The following OTOG variants were observed in gnomAD, a reference collection of about 807,000 sequenced individuals.
OTOG encodes otogelin.
In OTOG, 296 loss-of-function variants were observed where a neutral mutation model predicts 313.8. The observed-to-expected ratio is 0.94, with a 90% CI of 0.86 to 1.04. The LOEUF (loss-of-function observed/expected upper bound fraction) is 1.04, where lower values mean the gene tolerates loss of function less well. Among genes scored for constraint, OTOG ranks in the 50% least tolerant of loss-of-function variants. The pLI is 0.00. For synonymous variants in OTOG, 1,533 were observed against 1,554.9 expected (o/e 0.99, Z 0.33); for missense variants, 3,948 against 3,840.1 (o/e 1.03, Z -0.74).
chr11:17,635,917 A>AG (rs1242805955), intron 47 of OTOG, among the ~76,000 whole-genome samples: 1 of 152,196 alleles, frequency 6.6e-6, no homozygotes, highest in African/African-American at 2.4e-5. Flanking sequence ...TGGGAGGTCC[A>AG]GGCCTGTCCC....
At chr11:17,635,265 C>A in intron 46 of OTOG, 78 bp downstream of exon 46, 2 of 1,217,818 alleles carry the variant, frequency 1.6e-6, no homozygotes, top group Non-Finnish European at 2.3e-6. Context: ...CCTTGGGCAG[C>A]TGGGAGGAAA....
At chr11:17,587,941 T>A (rs1852840227) in intron 24 of OTOG, among the ~76,000 whole-genome samples, 1 of 152,194 alleles carries the variant, frequency 6.6e-6, no homozygotes, top group Non-Finnish European at 1.5e-5. Flanking sequence ...CTCCAGCCCC[T>A]GTAGCAGCAC....
chr11:17,605,351 G>A (rs1009554699), intron 32 of OTOG, among the ~76,000 whole-genome samples: 2 of 152,178 alleles, frequency 1.3e-5, no homozygotes, highest in African/African-American at 4.8e-5. Flanking sequence ...ATGAAGGGTT[G>A]CCAATGCTGG....
chr11:17,572,851 C>T (rs113284952), intron 18 of OTOG, among the ~76,000 whole-genome samples: 66 of 152,308 alleles, frequency 4.3e-4, no homozygotes, highest in African/African-American at 1.3e-3. Flanking sequence ...CTCCTTTGAC[C>T]AGAATGTAAG....
At chr11:17,560,973 A>G (rs1053282868) in intron 13 of OTOG, 118 bp from the exon 14 acceptor site, 31 of 1,283,564 alleles carry the variant, frequency 2.4e-5, no homozygotes, top group Middle Eastern at 1.8e-4. Context: ...CCATGGGGGA[A>G]ATCTCTACCA....
In OTOG at chr11:17,558,256, C is replaced by T. The variant is rs777809121; in HGVS notation, c.937C>T (p.Pro313Ser). The T allele has an allele frequency of 6.4e-7, 1 of 1,550,684 alleles. No homozygotes were observed. Among genetic ancestry groups the T allele is most frequent in the Non-Finnish European group, 8.7e-7 (1 of 1,147,012 alleles). Residue 313 changes from proline to serine, a missense_variant, in exon 9 of 56, where the codon CCC (proline) becomes TCC (serine). By Grantham distance (74) the Pro-to-Ser change is moderately conservative (BLOSUM62 -1). Coordinates refer to ENST00000399397, the MANE Select transcript of OTOG (RefSeq NM_001292063.2). Reference protein sequence around the residue: ...QEQAPNQPPGPTTSSLPRPPC... With the variant: ...QEQAPNQPPGSTTSSLPRPPC... ...GCAGGCCCCTAACCAGCCTCCAGGG[C>T]CCACAACTTCCTCCCTGCCTCGCCC... is the stretch of plus-strand genomic sequence containing the variant.
At position 17,612,259 on chromosome 11, in the gene OTOG, C is replaced by G. The variant is rs778201336; in HGVS notation, c.6221C>G (p.Pro2074Arg). Residue 2074 changes from proline (P) to arginine (R), a missense_variant, in exon 37 of 56, where the codon CCT (proline) becomes CGT (arginine). Physicochemically the swap from Pro to Arg is moderately radical, Grantham distance 103. Coordinates refer to ENST00000399397, the MANE Select transcript of OTOG (RefSeq NM_001292063.2). Reference sequence around the variant, plus strand: ...CACTGTCCCCAGGGTGCTGCTCCCCCTCGCTGTGGGATCCTGGGCCTCGCC... The same window carrying G: ...CACTGTCCCCAGGGTGCTGCTCCCCGTCGCTGTGGGATCCTGGGCCTCGCC... ...SQHCPQGAAP[P>R]RCGILGLAVR... 1 of 1,546,570 alleles carries G rather than the reference C, an allele frequency of 6.5e-7. No homozygotes were observed. The highest frequency in any genetic ancestry group is 8.7e-7 in the Non-Finnish European group (1 of 1,146,962).
intron 1 of OTOG, 84 bp from the exon 2 acceptor site, chr11:17,547,843 G>A (rs1851842806): frequency 4.5e-6 from 2 of 446,994 alleles, no homozygotes; most frequent in Non-Finnish European, 7.9e-6. Flanking sequence ...GCGTGGGAGA[G>A]GCTTTCTAGC....
intron 44 of OTOG, 38 bp from the exon 45 acceptor site, chr11:17,634,806 G>A (rs1254570515): frequency 1.3e-5 from 20 of 1,515,296 alleles, no homozygotes; most frequent in Admixed American, 5.9e-5. Flanking sequence ...GGGGACATCC[G>A]GCCCCGAGGT....
In OTOG at chr11:17,559,901, G is replaced by GAA. The variant is rs1233569358; in HGVS notation, c.1342+239_1342+240insAA. Among the ~76,000 whole-genome samples the GAA allele has an allele frequency of 5.5e-4, 81 of 147,916 alleles. 1 individual carries two copies. Among genetic ancestry groups the GAA allele is most frequent in the Admixed American group, 4.3e-3 (65 of 15,044 alleles). ...GGAAGGAAGGGAGAGAGGGAGGGAG[G>GAA]GAGGAAGGAAGGAAAGAAGGAAGGG... On this transcript the variant is annotated intron_variant, in intron 12 of 55. Transcript: ENST00000399397.
Position 17,555,846 on chromosome 11 carries a change from T to C in OTOG, c.608T>C (p.Val203Ala). The C allele has an allele frequency of 6.4e-7, 1 of 1,550,974 alleles. No homozygotes were observed. Among genetic ancestry groups the C allele is most frequent in the South Asian group, 1.2e-5 (1 of 84,058 alleles). ...TCCAGGGCTGTCAGCCTCTTCTTTG[T>C]GGGTGAGCAGGAGATCCATCTGGCC... Reference protein sequence around the residue: ...TCSRAVSLFFVGEQEIHLAKE... With the variant: ...TCSRAVSLFFAGEQEIHLAKE... The change falls in exon 7 of 56, where the codon GTG becomes GCG. Residue 203 changes from valine to alanine, a missense_variant. Physicochemically the swap from Val to Ala is moderately conservative, Grantham distance 64 (BLOSUM62 0). Transcript: ENST00000399397.
chr11:17,555,207 ATG>A (rs57148062), intron 6 of OTOG, among the ~76,000 whole-genome samples: 2,242 of 140,538 alleles, frequency 0.016, 39 homozygotes, highest in East Asian at 0.088. Context: ...GGGGGCAGAG[ATG>A]TGTGTGTGTG....
intron 32 of OTOG, among the ~76,000 whole-genome samples, chr11:17,602,810 G>A (rs1853287233): frequency 6.6e-6 from 1 of 152,024 alleles, no homozygotes; most frequent in East Asian, 1.9e-4. Flanking sequence ...CAAGCACAGA[G>A]CCAGGTACTG....
intron 17 of OTOG, 197 bp downstream of exon 17, chr11:17,570,587 T>C: frequency 1.8e-6 from 1 of 563,704 alleles, no homozygotes; most frequent in Non-Finnish European, 3.1e-6. Flanking sequence ...ATGTGTGGAA[T>C]CACCTCAGGA....
At chr11:17,619,144 GC>G (rs1347933081) in intron 39 of OTOG, among the ~76,000 whole-genome samples, 2 of 152,136 alleles carry the variant, frequency 1.3e-5, no homozygotes, top group African/African-American at 4.8e-5. Flanking sequence ...GGTGGCACAT[GC>G]CTGTAGTTCC....
Position 17,597,039 on chromosome 11 carries a change from A to G in OTOG, c.3682+32A>G. Reference sequence around the variant, plus strand: ...GTCCCAGACAATCACCTGAGGGGACAGAGTAGAGTGTCACCTGTGGGCATG... The same window carrying G: ...GTCCCAGACAATCACCTGAGGGGACGGAGTAGAGTGTCACCTGTGGGCATG... On this transcript the variant is annotated intron_variant, in intron 30 of 55. Coordinates refer to ENST00000399397, the MANE Select transcript of OTOG (RefSeq NM_001292063.2). 7.8e-6 allele frequency: 12 copies of G among 1,546,906 alleles called. 1 individual carries two copies. In the South Asian group the frequency reaches 1.4e-4, roughly 18 times the overall value.
intron 39 of OTOG, among the ~76,000 whole-genome samples, chr11:17,620,188 C>T (rs1853829700): frequency 6.6e-6 from 1 of 152,132 alleles, no homozygotes; most frequent in Non-Finnish European, 1.5e-5. Flanking sequence ...TGTATAGCTC[C>T]AAAACATTTT....
At chr11:17,580,903 C>T (rs963048994) in intron 23 of OTOG, among the ~76,000 whole-genome samples, 1 of 151,940 alleles carries the variant, frequency 6.6e-6, no homozygotes, top group Non-Finnish European at 1.5e-5. Flanking sequence ...TAAGCATGTG[C>T]TTTTTTTTCT....
intron 39 of OTOG, among the ~76,000 whole-genome samples, chr11:17,614,869 G>T (rs1853684080): frequency 6.6e-6 from 1 of 152,200 alleles, no homozygotes; most frequent in Non-Finnish European, 1.5e-5. Flanking sequence ...TACAGGTTTT[G>T]TGTAGATAAA....
Sources: gnomAD v4.1 joint callset for allele counts (sites outside exome capture counted in the v4.1 genomes callset) on GRCh38, gnomAD v4.1.1 for gene constraint, MANE v1.5 for transcripts, NCBI Gene and HGNC (gene_info 2026-07-23, HGNC 2026-07-21) for gene names.